SSBP3: variants seen among roughly 807,000 people sequenced by gnomAD.
The protein encoded by SSBP3 is single-stranded DNA-binding protein 3.
In SSBP3, 5 loss-of-function variants were observed where a neutral mutation model predicts 69.6. That is an observed-to-expected ratio of 0.07 (90% CI 0.04 to 0.15). The LOEUF (loss-of-function observed/expected upper bound fraction) is 0.15, where lower values mean the gene tolerates loss of function less well. Among genes scored for constraint, SSBP3 ranks in the 10% least tolerant of loss-of-function variants. The pLI, the probability that SSBP3 is intolerant of heterozygous loss-of-function variation, is 1.00. For synonymous variants in SSBP3, 196 were observed against 193.4 expected (o/e 1.01, Z -0.11); for missense variants, 312 against 534.0 (o/e 0.58, Z 4.10).
intron 5 of SSBP3, among the ~76,000 whole-genome samples, chr1:54,266,575 A>G (rs1645106602): frequency 6.6e-6 from 1 of 152,226 alleles, no homozygotes; most frequent in Admixed American, 6.5e-5. Context: ...AAGAGGGAAA[A>G]AAGTGGAGTC....
intron 4 of SSBP3, among the ~76,000 whole-genome samples, chr1:54,339,208 GTCTTA>G (rs777597034): frequency 1.4e-4 from 21 of 152,160 alleles, no homozygotes; most frequent in East Asian, 5.8e-4. Flanking sequence ...GGAGAAGGGG[GTCTTA>G]TCTTATCCCA....
In SSBP3 at chr1:54,361,609, G is replaced by GT. The variant is rs1309853436; in HGVS notation, c.276+40251dup. Among the ~76,000 whole-genome samples the GT allele has an allele frequency of 2.0e-5, 3 of 152,138 alleles. No individual in the cohort carries two copies. The East Asian group carries it at 5.8e-4, about 29-fold the overall frequency. ...CTGAGCAGGGGGCCTCAGAGAGGAG[G>GT]TGCGGAACCTGTTCTCGCAGAACGT... On this transcript the variant is annotated intron_variant, in intron 4 of 17. Transcript: ENST00000610401.
rs869039822 is a variant in SSBP3, at chr1:54,337,485, C to CTTTTTTTTTTTTTTTTTTTTTTTTTTTT, written c.277-55986_277-55959dup. Among the ~76,000 whole-genome samples, 8 of 51,134 alleles carry CTTTTTTTTTTTTTTTTTTTTTTTTTTTT rather than the reference C, an allele frequency of 1.6e-4. 2 individuals are homozygous for CTTTTTTTTTTTTTTTTTTTTTTTTTTTT. The highest frequency in any genetic ancestry group is 6.9e-4 in the African/African-American group (7 of 10,162). The allele number at this position is 51,134 out of a possible 152,430, so 33.5% of individuals were successfully genotyped here. A position where few individuals can be genotyped will look rare whatever the true frequency, so the allele number is the denominator to read the frequency against. ...ACCAAAGCATTTTGTTTTCCTCAAGCTTTTTTTTTTTTTTTTTTTTTTTTT... is the reference window on the plus strand; with the variant it reads ...ACCAAAGCATTTTGTTTTCCTCAAGCTTTTTTTTTTTTTTTTTTTTTTTTTTTTTTTTTTTTTTTTTTTTTTTTTTTTT... On this transcript the variant is annotated intron_variant, in intron 4 of 17. Coordinates refer to ENST00000610401, the Ensembl canonical transcript of SSBP3.
At chr1:54,238,800 T>C (rs373679048) in intron 14 of SSBP3, 1 of 371,838 alleles carries the variant, frequency 2.7e-6, no homozygotes, top group Non-Finnish European at 5.2e-6. Context: ...CACAGCCAGT[T>C]TGCTGGGCAG....
intron 5 of SSBP3, among the ~76,000 whole-genome samples, chr1:54,267,844 C>T (rs1645127769): frequency 1.3e-5 from 2 of 152,160 alleles, no homozygotes; most frequent in African/African-American, 4.8e-5. Context: ...TGGCTCCTTC[C>T]ATCCTACCTG....
intron 4 of SSBP3, among the ~76,000 whole-genome samples, chr1:54,341,029 C>A (rs1432638286): frequency 6.6e-6 from 1 of 152,250 alleles, no homozygotes; most frequent in Non-Finnish European, 1.5e-5. Flanking sequence ...TCCATTCCCT[C>A]CTCTGTAAAT....
intron 4 of SSBP3, among the ~76,000 whole-genome samples, chr1:54,380,194 C>T (rs1203473196): frequency 6.6e-6 from 1 of 152,202 alleles, no homozygotes; most frequent in Non-Finnish European, 1.5e-5. Context: ...AGACCCTCCC[C>T]GCAGAGCAGC....
At chr1:54,380,621 C>T (rs566950492) in intron 4 of SSBP3, among the ~76,000 whole-genome samples, 2 of 152,316 alleles carry the variant, frequency 1.3e-5, no homozygotes, top group Admixed American at 1.3e-4. Context: ...AGCCCAGGAC[C>T]CCGGCTCTCA....
chr1:54,242,467 T>G (rs1644656888), intron 10 of SSBP3, among the ~76,000 whole-genome samples: 1 of 152,230 alleles, frequency 6.6e-6, no homozygotes, highest in Non-Finnish European at 1.5e-5. Flanking sequence ...TCCCTTTGCA[T>G]GTGCATTTTC....
chr1:54,292,758 C>T (rs556483207), intron 4 of SSBP3, among the ~76,000 whole-genome samples: 6 of 152,124 alleles, frequency 3.9e-5, no homozygotes, highest in Admixed American at 6.5e-5. Context: ...ACATGAATTC[C>T]GTGTGTGTGT....
At chr1:54,232,177 G>A (rs931606926) in intron 14 of SSBP3, among the ~76,000 whole-genome samples, 3 of 152,222 alleles carry the variant, frequency 2.0e-5, no homozygotes, top group Admixed American at 1.3e-4. Context: ...TAGCAATTAG[G>A]AGGTGGACTA....
At chr1:54,383,608 A>G (rs12022116) in intron 4 of SSBP3, among the ~76,000 whole-genome samples, 16,508 of 152,208 alleles carry the variant, frequency 0.11, 1,044 homozygotes, top group East Asian at 0.28. Context: ...GACTTGTATG[A>G]CCTGATAAAA....
At chr1:54,282,163 G>A (rs997261103) in intron 4 of SSBP3, among the ~76,000 whole-genome samples, 7 of 152,258 alleles carry the variant, frequency 4.6e-5, no homozygotes, top group African/African-American at 1.7e-4. Flanking sequence ...GTGCAGAGCA[G>A]GGGTGCATGG....
intron 5 of SSBP3, among the ~76,000 whole-genome samples, chr1:54,270,192 C>T (rs902082255): frequency 5.9e-5 from 9 of 152,172 alleles, no homozygotes; most frequent in Non-Finnish European, 1.2e-4. Context: ...GGAACGCAAA[C>T]TCAAATGATA....
At chr1:54,394,640 T>G (rs1039282289) in intron 4 of SSBP3, among the ~76,000 whole-genome samples, 9 of 150,924 alleles carry the variant, frequency 6.0e-5, no homozygotes, top group Non-Finnish European at 1.0e-4. Flanking sequence ...CAGCTTCCCA[T>G]GGACCTGCCA....
At chr1:54,399,530 TGGTTTTTATAGATATGGA>T (rs1649144527) in intron 4 of SSBP3, among the ~76,000 whole-genome samples, 1 of 152,176 alleles carries the variant, frequency 6.6e-6, no homozygotes, top group Non-Finnish European at 1.5e-5. Context: ...TTTGTATAGG[TGGTTTTTATAGATATGGA>T]GATGAAGGCG....
intron 4 of SSBP3, among the ~76,000 whole-genome samples, chr1:54,293,748 C>T (rs1645649095): frequency 6.6e-6 from 1 of 152,244 alleles, no homozygotes; most frequent in Non-Finnish European, 1.5e-5. Flanking sequence ...AATTAGCCAG[C>T]TATCTTCCAG....
chr1:54,396,554 C>A (rs1648901267), intron 4 of SSBP3, among the ~76,000 whole-genome samples: 1 of 152,070 alleles, frequency 6.6e-6, no homozygotes, highest in Admixed American at 6.6e-5. Context: ...GGGCCAGGCA[C>A]CCTTGACTAG....
At chr1:54,241,432 C>T in intron 12 of SSBP3, 42 bp downstream of exon 12, 1 of 1,610,212 alleles carries the variant, frequency 6.2e-7, no homozygotes, top group Non-Finnish European at 8.5e-7. Flanking sequence ...ACACTCAGTC[C>T]CACGTGGCTA....
Sources: gnomAD v4.1 joint callset for allele counts (sites outside exome capture counted in the v4.1 genomes callset) on GRCh38, gnomAD v4.1.1 for gene constraint, MANE v1.5 for transcripts, NCBI Gene and HGNC (gene_info 2026-07-23, HGNC 2026-07-21) for gene names.